Variants in COL17A1 observed in about 807,000 individuals in gnomAD.
The protein encoded by COL17A1 is collagen type XVII alpha 1 chain.
A neutral mutation model predicts 218.4 loss-of-function variants in COL17A1; 181 were observed. The observed-to-expected ratio is 0.83, with a 90% CI of 0.73 to 0.94. COL17A1 has a LOEUF of 0.94. Ranked by LOEUF, COL17A1 falls within the 40% of genes least tolerant of loss-of-function variation. The pLI, the probability that COL17A1 is intolerant of heterozygous loss-of-function variation, is 0.00. For missense variants in COL17A1, 1,924 were observed against 1,945.9 expected, an observed-to-expected ratio of 0.99 and a Z score of 0.21; for synonymous variants, 721 against 731.0, an observed-to-expected ratio of 0.99 and a Z score of 0.22.
intron 1 of COL17A1, among the ~76,000 whole-genome samples, chr10:104,083,028 G>A (rs2086778319): frequency 6.6e-6 from 1 of 152,206 alleles, no homozygotes; most frequent in Non-Finnish European, 1.5e-5. Flanking sequence ...CAATGTCTGT[G>A]TGTTCCACAG....
In COL17A1 at chr10:104,079,369, A is replaced by G. The variant is rs199931558; in HGVS notation, c.53-783T>C. 1.2e-3 allele frequency among the ~76,000 whole-genome samples: 175 copies of G among 152,096 alleles called. 2 individuals are homozygous for G. Among genetic ancestry groups the G allele is most frequent in the East Asian group, 4.1e-3 (21 of 5,164 alleles). ...CCAGTGTGCTTGTATGCATGCATGC[A>G]TGTGTGTATGTGTGCATGTATGTGT... On this transcript the variant is annotated intron_variant, in intron 2 of 55. Transcript: ENST00000648076.
At chr10:104,070,028 T>G (rs997112851) in intron 9 of COL17A1, among the ~76,000 whole-genome samples, 10 of 152,040 alleles carry the variant, frequency 6.6e-5, no homozygotes, top group African/African-American at 2.4e-4. Flanking sequence ...ACCCCTTCAT[T>G]AGGGGTGGAT....
At chr10:104,035,619 A>G in intron 48 of COL17A1, 56 bp from the exon 49 acceptor site, 1 of 1,379,754 alleles carries the variant, frequency 7.2e-7, no homozygotes, top group Middle Eastern at 2.0e-4. Context: ...AACACCTGTC[A>G]GAGAGGAGGT....
rs754788431 is a variant in COL17A1, at chr10:104,036,619, A to T, written c.3291T>A (p.Arg1097=). The part of the protein sequence containing the change: ...ILAVLQRDDV[R]QYLRQYLMGP... ...CCATCAAGTACTGACGTAGGTACTG[A>T]CGCACGTCATCCCCTGGAGAGGAGA... is the stretch of plus-strand genomic sequence containing the variant. Residue 1097 remains arginine, a synonymous_variant, in exon 48 of 56, where the codon CGT becomes CGA. Coordinates refer to ENST00000648076, the MANE Select transcript of COL17A1 (RefSeq NM_000494.4). 1.2e-6 allele frequency: 2 copies of T among 1,613,892 alleles called. No individual in the cohort carries two copies. Among genetic ancestry groups the T allele is most frequent in the Non-Finnish European group, 8.5e-7 (1 of 1,179,900 alleles).
chr10:104,060,769 T>A (rs916398168), intron 13 of COL17A1, among the ~76,000 whole-genome samples: 1 of 152,218 alleles, frequency 6.6e-6, no homozygotes, highest in Admixed American at 6.5e-5. Context: ...TGTATCCTTT[T>A]CTGTAATTAT....
At chr10:104,061,554 G>C in intron 12 of COL17A1, 81 bp from the exon 13 acceptor site, 1 of 1,208,468 alleles carries the variant, frequency 8.3e-7, no homozygotes, top group South Asian at 1.3e-5. Flanking sequence ...TGGCAGAGAG[G>C]TACCCCCGAC....
intron 40 of COL17A1, 127 bp downstream of exon 40, chr10:104,040,224 A>T: frequency 1.1e-6 from 1 of 923,924 alleles, no homozygotes; most frequent in Non-Finnish European, 1.8e-6. Context: ...CTGAGTTCCT[A>T]ATGGGATAAG....
chr10:104,064,386 G>C (rs781404054), intron 10 of COL17A1, 52 bp downstream of exon 10: 39 of 1,612,734 alleles, frequency 2.4e-5, no homozygotes, highest in Non-Finnish European at 3.2e-5. Flanking sequence ...CTCCAGGATA[G>C]AGGCATGCCG....
intron 11 of COL17A1, 106 bp from the exon 12 acceptor site, chr10:104,062,435 C>T (rs367882613): frequency 2.0e-6 from 3 of 1,463,536 alleles, no homozygotes; most frequent in Non-Finnish European, 2.9e-6. Flanking sequence ...AATGGTTTTG[C>T]CAACAGATTC....
intron 27 of COL17A1, among the ~76,000 whole-genome samples, chr10:104,050,381 G>A (rs1229183834): frequency 6.6e-6 from 1 of 152,176 alleles, no homozygotes. Context: ...CAAGAGGTCA[G>A]ATGCCTTGGA....
In COL17A1 at chr10:104,034,640, C is replaced by T. The variant is rs780523850; in HGVS notation, c.3747G>A (p.Glu1249=). 2 of 1,610,396 alleles carry T rather than the reference C, an allele frequency of 1.2e-6. No individual in the cohort carries two copies. Among genetic ancestry groups the T allele is most frequent in the Admixed American group, 1.7e-5 (1 of 59,592 alleles). ...AAENSDSFRS[E]LISYLTSPDV... is the part of the protein sequence containing the mutation. ...ACCTACTTGTGAGGTAGCTGATCAGCTCGCTCCGGAAGCTGTCGCTGTTTT... is the reference window on the plus strand; with the variant it reads ...ACCTACTTGTGAGGTAGCTGATCAGTTCGCTCCGGAAGCTGTCGCTGTTTT... The change falls in exon 51 of 56, where the codon GAG becomes GAA. Residue 1249 remains glutamate (E), a synonymous_variant. Coordinates refer to ENST00000648076, the MANE Select transcript of COL17A1 (RefSeq NM_000494.4).
At position 104,050,091 on chromosome 10, in the gene COL17A1, G is replaced by A; in HGVS notation, c.2162C>T (p.Thr721Ile). The A allele has an allele frequency of 6.2e-7, 1 of 1,614,150 alleles. No individual in the cohort carries two copies. The highest frequency in any genetic ancestry group is 8.5e-7 in the Non-Finnish European group (1 of 1,179,998). The stretch of plus-strand genomic sequence containing the variant: ...GTAGATTCCCATGACAGACTGACCT[G>A]TGAGGCCTCGAGGTCCTTTCTCACC... ...DQGEKGPRGL[T>I]GEPGMRGLPG... The change falls in exon 28 of 56, where the codon ACA becomes ATA. Residue 721 changes from threonine (T) to isoleucine (I), a missense_variant and splice_region_variant. Transcript: ENST00000648076.
intron 11 of COL17A1, among the ~76,000 whole-genome samples, chr10:104,063,315 C>T (rs2086598866): frequency 6.6e-6 from 1 of 152,130 alleles, no homozygotes; most frequent in African/African-American, 2.4e-5. Context: ...ACATTATTTA[C>T]CCCAATATAG....
At chr10:104,041,198 A>C (rs1235290011) in intron 38 of COL17A1, 80 bp from the exon 39 acceptor site, 1 of 1,607,572 alleles carries the variant, frequency 6.2e-7, no homozygotes, top group African/African-American at 1.3e-5. Flanking sequence ...GCAGCAGGGA[A>C]GCTCTTTCCT....
rs753392057 is a variant in COL17A1 at position 104,057,011 on chromosome 10, G to A, written c.1429C>T (p.Leu477=). 9 of 1,591,414 alleles carry A rather than the reference G, an allele frequency of 5.7e-6. No individual in the cohort carries two copies. The highest frequency in any genetic ancestry group is 6.8e-6 in the Non-Finnish European group (8 of 1,169,334). The change falls in exon 17 of 56, where the codon CTA becomes TTA. Residue 477 remains leucine, a synonymous_variant. Coordinates refer to ENST00000648076, the MANE Select transcript of COL17A1 (RefSeq NM_000494.4). ...AGGCCGAAGAGCAGCCCCAGGAGTA[G>A]CAGCCAGGTGAGCAGCAGGCCCAGC... ...WLLGLLLTWL[L]LLGLLFGLIA...
intron 32 of COL17A1, among the ~76,000 whole-genome samples, chr10:104,046,533 A>G (rs937721602): frequency 6.6e-6 from 1 of 152,102 alleles, no homozygotes; most frequent in Non-Finnish European, 1.5e-5. Context: ...TTGACACACA[A>G]TCTAATCTCA....
In COL17A1 at chr10:104,070,488, G is replaced by A; in HGVS notation, c.545C>T (p.Thr182Ile). 6.2e-7 allele frequency: 1 copy of A among 1,614,202 alleles called. No individual in the cohort carries two copies. The highest frequency in any genetic ancestry group is 8.5e-7 in the Non-Finnish European group (1 of 1,180,032). ...AGTGCCTTTCTTGGGGATGGGGAGTGTGTTGGAGGAATTCCGGGTGGGGCT... is the reference window on the plus strand; with the variant it reads ...AGTGCCTTTCTTGGGGATGGGGAGTATGTTGGAGGAATTCCGGGTGGGGCT... The part of the protein sequence containing the change: ...SVSPTRNSSN[T>I]LPIPKKGTVE... Residue 182 changes from threonine (T) to isoleucine (I), a missense_variant, in exon 9 of 56, where the codon ACA (threonine) becomes ATA (isoleucine). Transcript: ENST00000648076.
intron 9 of COL17A1, among the ~76,000 whole-genome samples, chr10:104,068,055 C>A (rs1211038953): frequency 1.3e-5 from 2 of 152,108 alleles, no homozygotes; most frequent in Admixed American, 1.3e-4. Flanking sequence ...CATGGCCCTG[C>A]TGGCGGAGGG....
intron 48 of COL17A1, among the ~76,000 whole-genome samples, chr10:104,035,956 A>G (rs1308304337): frequency 9.2e-5 from 3 of 32,612 alleles, no homozygotes; most frequent in South Asian, 8.3e-4. Flanking sequence ...GAGTGTGAGT[A>G]CAGGAGTATG....
Sources: allele counts gnomAD v4.1 joint callset (sites outside exome capture counted in the v4.1 genomes callset), GRCh38; gene constraint gnomAD v4.1.1; transcripts MANE v1.5; gene names NCBI Gene and HGNC (gene_info 2026-07-23, HGNC 2026-07-21).